DCHS2: variants seen among roughly 807,000 people sequenced by gnomAD.
DCHS2 encodes protocadherin-23.
DCHS2 carries 142 observed loss-of-function variants against 182.4 expected under a neutral mutation model. That is an observed-to-expected ratio of 0.78 (90% confidence interval 0.68 to 0.89). The LOEUF (loss-of-function observed/expected upper bound fraction) is 0.89. Among genes scored for constraint, DCHS2 ranks in the 40% least tolerant of loss-of-function variants. The pLI, the probability that DCHS2 is intolerant of heterozygous loss-of-function variation, is 0.00. For synonymous variants in DCHS2, 1,740 were observed against 1,663.3 expected (o/e 1.05, Z -1.12); for missense variants, 4,319 against 4,198.6 (o/e 1.03, Z -0.79).
At chr4:154,341,782 G>A (rs1424120533) in intron 3 of DCHS2, among the ~76,000 whole-genome samples, 2 of 152,086 alleles carry the variant, frequency 1.3e-5, no homozygotes, top group Non-Finnish European at 2.9e-5. Context: ...CGTATCCATA[G>A]GCTAATCACT....
At chr4:154,299,329 C>A (rs1735106560) in intron 12 of DCHS2, among the ~76,000 whole-genome samples, 2 of 152,154 alleles carry the variant, frequency 1.3e-5, no homozygotes, top group South Asian at 4.1e-4. Context: ...TTGTTCTATT[C>A]ATCTATTCCT....
chr4:154,286,943 A>G (rs1241399960), intron 13 of DCHS2, among the ~76,000 whole-genome samples: 1 of 152,180 alleles, frequency 6.6e-6, no homozygotes, highest in Non-Finnish European at 1.5e-5. Context: ...GGATAAAGAA[A>G]GGATCCTAAA....
intron 12 of DCHS2, among the ~76,000 whole-genome samples, chr4:154,302,210 T>C (rs1420492903): frequency 6.6e-6 from 1 of 152,196 alleles, no homozygotes; most frequent in African/African-American, 2.4e-5. Context: ...TTCATACATA[T>C]AATTGAAAAA....
intron 14 of DCHS2, among the ~76,000 whole-genome samples, chr4:154,266,334 GTTGT>G (rs1553999958): frequency 3.0e-5 from 4 of 133,542 alleles, no homozygotes; most frequent in African/African-American, 6.2e-5. Context: ...TTTTTTTTTT[GTTGT>G]TTGTTTGTTT....
At chr4:154,266,204 CAGG>C (rs1733247367) in intron 14 of DCHS2, among the ~76,000 whole-genome samples, 1 of 152,076 alleles carries the variant, frequency 6.6e-6, no homozygotes, top group Non-Finnish European at 1.5e-5. Flanking sequence ...GATGGTATGT[CAGG>C]AGAAGGATCA....
chr4:154,300,440 AAGGCGGG>A (rs1435251404), intron 12 of DCHS2, among the ~76,000 whole-genome samples: 1 of 149,608 alleles, frequency 6.7e-6, no homozygotes, highest in African/African-American at 2.5e-5. Flanking sequence ...TTTGGAGACC[AAGGCGGG>A]AGGATTGCTT....
chr4:154,329,746 G>A (rs866796462), intron 5 of DCHS2, 36 bp from the exon 6 acceptor site: 6 of 1,575,500 alleles, frequency 3.8e-6, no homozygotes, highest in Middle Eastern at 4.6e-4. Context: ...CACAGGCACT[G>A]TGTACCAGGC....
chr4:154,294,586 T>C (rs1281582370), intron 13 of DCHS2, among the ~76,000 whole-genome samples: 1 of 152,234 alleles, frequency 6.6e-6, no homozygotes, highest in East Asian at 1.9e-4. Flanking sequence ...GAAGGTCTTA[T>C]CTACAGATAG....
Position 154,366,370 on chromosome 4 carries a change from G to A in DCHS2, c.2316C>T (p.Asn772=). 1 of 1,613,940 alleles carries A rather than the reference G, an allele frequency of 6.2e-7. No homozygotes were observed. Among genetic ancestry groups the A allele is most frequent in the Non-Finnish European group, 8.5e-7 (1 of 1,179,944 alleles). The change falls in exon 3 of 20, where the codon AAC becomes AAT. Residue 772 remains asparagine (N), a synonymous_variant. Coordinates refer to ENST00000357232, the MANE Select transcript of DCHS2 (RefSeq NM_001358235.2). ...TGATGCTCGTCACATAGGTTGATGGGTTAAACACAGGATGATTATCATTCA... is the reference window on the plus strand; with the variant it reads ...TGATGCTCGTCACATAGGTTGATGGATTAAACACAGGATGATTATCATTCA... The part of the protein sequence containing the change: ...EDVNDNHPVF[N]PSTYVTSISD...
Position 154,320,589 on chromosome 4 carries a change from G to A in DCHS2, c.4810C>T (p.Leu1604=). 1 of 1,614,128 alleles carries A rather than the reference G, an allele frequency of 6.2e-7. No homozygotes were observed. The highest frequency in any genetic ancestry group is 1.3e-5 in the African/African-American group (1 of 75,050). Reference sequence around the variant, plus strand: ...TCCAAAATCACTATTTGTGCTGTCAGTGATCTCAGTCGCCGGTCTGTCACA... The same window carrying A: ...TCCAAAATCACTATTTGTGCTGTCAATGATCTCAGTCGCCGGTCTGTCACA... ...VNVTDRRLRS[L]TAQIVILDVN... is the part of the protein sequence containing the mutation. Residue 1604 remains leucine (L), a synonymous_variant, in exon 9 of 20, where the codon CTG becomes TTG. Coordinates refer to ENST00000357232, the MANE Select transcript of DCHS2 (RefSeq NM_001358235.2).
In DCHS2 at chr4:154,240,756, T is replaced by C; in HGVS notation, c.7140A>G (p.Ile2380Met). ...VHDVDLNSAF[I>M]FSFAKESNPG... is the part of the protein sequence containing the mutation. Reference sequence around the variant, plus strand: ...GATTACTCTCTTTGGCAAAACTGAATATGAAAGCTGAATTCAAATCCACAT... The same window carrying C: ...GATTACTCTCTTTGGCAAAACTGAACATGAAAGCTGAATTCAAATCCACAT... Residue 2380 changes from isoleucine (I) to methionine (M), a missense_variant, in exon 18 of 20, where the codon ATA becomes ATG. Ile to Met is a conservative substitution (Grantham distance 10). Transcript: ENST00000357232. 6.2e-7 allele frequency: 1 copy of C among 1,613,938 alleles called. No individual in the cohort carries two copies. The highest frequency in any genetic ancestry group is 1.3e-5 in the African/African-American group (1 of 75,032).
intron 13 of DCHS2, among the ~76,000 whole-genome samples, chr4:154,287,943 A>G (rs913645709): frequency 3.3e-5 from 5 of 152,224 alleles, no homozygotes; most frequent in Non-Finnish European, 7.3e-5. Flanking sequence ...CAAAAACGCT[A>G]GAAATTAAAA....
At chr4:154,353,720 C>T (rs1008648632) in intron 3 of DCHS2, among the ~76,000 whole-genome samples, 1 of 152,192 alleles carries the variant, frequency 6.6e-6, no homozygotes, top group African/African-American at 2.4e-5. Flanking sequence ...AAGTGCTACG[C>T]TATTTGTTCT....
chr4:154,295,850 C>G (rs545229594), intron 13 of DCHS2, among the ~76,000 whole-genome samples: 2 of 152,270 alleles, frequency 1.3e-5, no homozygotes, highest in South Asian at 4.1e-4. Flanking sequence ...ATGTGCCCAG[C>G]CTTACCAAGA....
chr4:154,234,158 A>G lies in DCHS2; in HGVS notation c.*378T>C, dbSNP rs1731326213. Reference sequence around the variant, plus strand: ...TAGCCTTTACTAGTTTGTTTTTGATATAGCAGTGTGATCAGCAGCAATGTG... The same window carrying G: ...TAGCCTTTACTAGTTTGTTTTTGATGTAGCAGTGTGATCAGCAGCAATGTG... On this transcript the variant is annotated 3_prime_UTR_variant, in exon 20 of 20. Coordinates refer to ENST00000357232, the MANE Select transcript of DCHS2 (RefSeq NM_001358235.2). 6.1e-6 allele frequency: 1 copy of G among 164,968 alleles called. No homozygotes were observed. The highest frequency in any genetic ancestry group is 2.4e-5 in the African/African-American group (1 of 41,784). The allele number at this position is 164,968 out of a possible 1,614,324, so 10.2% of individuals were successfully genotyped here. A position where few individuals can be genotyped will look rare whatever the true frequency, so the allele number is the denominator to read the frequency against.
intron 3 of DCHS2, among the ~76,000 whole-genome samples, chr4:154,364,327 G>A (rs528545307): frequency 2.0e-5 from 3 of 152,300 alleles, no homozygotes; most frequent in South Asian, 4.1e-4. Context: ...ACTGAATGAC[G>A]AGTGTGTGAA....
At chr4:154,238,159 T>G (rs1223122400) in intron 19 of DCHS2, among the ~76,000 whole-genome samples, 1,167 of 121,948 alleles carry the variant, frequency 9.6e-3, no homozygotes, top group Middle Eastern at 0.012. Flanking sequence ...GAAAAGACGG[T>G]GGGGGGGTGG....
intron 3 of DCHS2, among the ~76,000 whole-genome samples, chr4:154,345,428 A>T (rs939958494): frequency 6.6e-6 from 1 of 152,200 alleles, no homozygotes; most frequent in Non-Finnish European, 1.5e-5. Context: ...GGCTTGTACT[A>T]GTTAGATGTA....
chr4:154,304,109 T>G (rs1735332759), intron 12 of DCHS2, among the ~76,000 whole-genome samples: 1 of 151,296 alleles, frequency 6.6e-6, no homozygotes, highest in South Asian at 2.1e-4. Flanking sequence ...AGGATGCAGA[T>G]GGAGATGGGA....
Sources: allele counts gnomAD v4.1 joint callset (sites outside exome capture counted in the v4.1 genomes callset), GRCh38; gene constraint gnomAD v4.1.1; transcripts MANE v1.5; gene names NCBI Gene and HGNC (gene_info 2026-07-23, HGNC 2026-07-21).